The following ZNF317 variants were observed in gnomAD, a reference collection of about 807,000 sequenced individuals.
ZNF317 encodes the protein zinc finger protein 317, also known as KRAB-containing zinc finger protein 317.
Under a neutral mutation model 23.4 loss-of-function variants are expected in ZNF317, and 17 were observed. That is an observed-to-expected ratio of 0.73 (90% CI 0.50 to 1.09). The LOEUF (loss-of-function observed/expected upper bound fraction) is 1.09. Ranked by LOEUF, ZNF317 falls within the 50% of genes least tolerant of loss-of-function variation. The pLI, the probability that ZNF317 is intolerant of heterozygous loss-of-function variation, is 0.00. For synonymous variants in ZNF317, 317 were observed against 314.9 expected (o/e 1.01, Z -0.07); for missense variants, 679 against 796.7 (o/e 0.85, Z 1.78).
intron 2 of ZNF317, 91 bp downstream of exon 2, chr19:9,156,132 G>A (rs1432805769): frequency 1.3e-6 from 2 of 1,520,028 alleles, no homozygotes; most frequent in Non-Finnish European, 1.8e-6. Flanking sequence ...ACCATAGAGG[G>A]CTGCTGGGAG....
chr19:9,161,489 G>A lies in ZNF317; in HGVS notation c.*56G>A, dbSNP rs564023468. The A allele has an allele frequency of 1.3e-6, 2 of 1,549,662 alleles. No homozygotes were observed. The highest frequency in any genetic ancestry group is 1.4e-5 in the African/African-American group (1 of 73,264). ...CAGACCGGAAACAGACCTCGTGGGT[G>A]TAAGAGGAAGCCTCTGTGAGCTCGC... On this transcript the variant is annotated 3_prime_UTR_variant, in exon 7 of 7. Coordinates refer to ENST00000247956, the MANE Select transcript of ZNF317 (RefSeq NM_020933.5). The surrounding 1 kb of genome is among the most constrained non-coding windows in gnomAD (Gnocchi z 4.0).
intron 3 of ZNF317, 198 bp downstream of exon 3, chr19:9,156,946 T>C: frequency 1.4e-6 from 1 of 725,416 alleles, no homozygotes. Flanking sequence ...TCTGTTTCCC[T>C]CATGCTTGCA....
At chr19:9,143,773 C>CT (rs927303895) in intron 1 of ZNF317, among the ~76,000 whole-genome samples, 17 of 146,952 alleles carry the variant, frequency 1.2e-4, no homozygotes, top group South Asian at 2.1e-4. Flanking sequence ...TTGTGTTTTC[C>CT]TTTTTTTTGA....
intron 1 of ZNF317, among the ~76,000 whole-genome samples, chr19:9,142,050 C>G (rs1263424331): frequency 1.3e-5 from 2 of 152,172 alleles, no homozygotes; most frequent in Non-Finnish European, 2.9e-5. Context: ...AGGTGATCCA[C>G]CGGCCTTGGC....
intron 1 of ZNF317, among the ~76,000 whole-genome samples, chr19:9,141,887 C>T (rs1000667158): frequency 3.9e-5 from 6 of 152,140 alleles, no homozygotes; most frequent in Non-Finnish European, 7.4e-5. Context: ...CTCACTGCAA[C>T]CTCTGTCTCC....
At chr19:9,142,205 T>A (rs75494218) in intron 1 of ZNF317, among the ~76,000 whole-genome samples, 1,748 of 152,360 alleles carry the variant, frequency 0.011, 29 homozygotes, top group African/African-American at 0.04. Context: ...AGTCTAACTT[T>A]TGTGTAGTTT....
chr19:9,157,420 T>TA, intron 4 of ZNF317, 26 bp downstream of exon 4: 1 of 1,613,358 alleles, frequency 6.2e-7, no homozygotes, highest in East Asian at 2.2e-5. Context: ...TTTCTCCACT[T>TA]ATTCATCCAT....
At position 9,157,985 on chromosome 19, in the gene ZNF317, C is replaced by T. The variant is rs1441588225; in HGVS notation, c.295C>T (p.Gln99Ter). The T allele has an allele frequency of 6.4e-7, 1 of 1,551,392 alleles. No individual in the cohort carries two copies. Among genetic ancestry groups the T allele is most frequent in the East Asian group, 2.4e-5 (1 of 40,900 alleles). Reference protein sequence around the residue: ...NYSNLTSLGYQVGKPSLISHL... With the variant: ...NYSNLTSLGY ...TGTCTTTCCCGTGAGTGTAGGGTAT[C>T]AGGTCGGCAAACCCAGCCTCATCTC... Residue 99 changes from glutamine (Q) to a stop codon, truncating the protein, a stop_gained, in exon 5 of 7, where the codon CAG becomes TAG. Coordinates refer to ENST00000247956, the MANE Select transcript of ZNF317 (RefSeq NM_020933.5). LOFTEE classifies it high-confidence loss of function.
chr19:9,152,099 G>A (rs12610150), intron 1 of ZNF317, among the ~76,000 whole-genome samples: 13,496 of 151,806 alleles, frequency 0.089, 665 homozygotes, highest in Middle Eastern at 0.14. Context: ...GTAGAGATGG[G>A]GTTTTACCGT....
Position 9,157,693 on chromosome 19 carries a change from T to A in ZNF317, c.290-287T>A, listed in dbSNP as rs527367970. ...TTATTTCCTATTTCTTTTTTTTTTT[T>A]TTTTTTTTTATTTTTGGTGATGAAG... On this transcript the variant is annotated intron_variant, in intron 4 of 6. Coordinates refer to ENST00000247956, the MANE Select transcript of ZNF317 (RefSeq NM_020933.5). The A allele has an allele frequency of 3.1e-4, 156 of 510,734 alleles. 3 individuals carry two copies. In the East Asian group the frequency reaches 6.7e-3, roughly 22 times the overall value. The allele number at this position is 510,734 out of a possible 1,614,324, so 31.6% of individuals were successfully genotyped here. A position where few individuals can be genotyped will look rare whatever the true frequency, so the allele number is the denominator to read the frequency against.
chr19:9,140,637 G>A (rs1386241382), intron 1 of ZNF317, 45 bp downstream of exon 1: 1 of 452,840 alleles, frequency 2.2e-6, no homozygotes, highest in African/African-American at 2.0e-5. Context: ...AGTTCCAGGG[G>A]TCACGGGAGG....
At chr19:9,148,141 T>C (rs1235377196) in intron 1 of ZNF317, among the ~76,000 whole-genome samples, 1 of 152,206 alleles carries the variant, frequency 6.6e-6, no homozygotes, top group Admixed American at 6.5e-5. Flanking sequence ...GTGCTTCCTG[T>C]AGAGCCTACA....
intron 3 of ZNF317, chr19:9,156,991 G>A (rs1020652923): frequency 2.2e-5 from 14 of 635,814 alleles, no homozygotes; most frequent in African/African-American, 2.2e-4. Flanking sequence ...CAGAGACGGG[G>A]GGAAATAAAG....
intron 3 of ZNF317, 36 bp from the exon 4 acceptor site, chr19:9,157,232 G>T: frequency 6.2e-7 from 1 of 1,609,956 alleles, no homozygotes; most frequent in Non-Finnish European, 8.5e-7. Context: ...CGTTAGGCTG[G>T]TTCCTCGCTG....
intron 6 of ZNF317, 27 bp downstream of exon 6, chr19:9,158,935 A>T (rs1052937896): frequency 6.5e-6 from 10 of 1,540,092 alleles, no homozygotes; most frequent in African/African-American, 1.4e-5. Context: ...ATAATTCTGG[A>T]TCTTCCTTCC....
chr19:9,148,142 A>G (rs2050704517), intron 1 of ZNF317, among the ~76,000 whole-genome samples: 1 of 152,188 alleles, frequency 6.6e-6, no homozygotes, highest in Non-Finnish European at 1.5e-5. Flanking sequence ...TGCTTCCTGT[A>G]GAGCCTACAG....
chr19:9,150,893 C>T (rs941558558), intron 1 of ZNF317, among the ~76,000 whole-genome samples: 3 of 152,178 alleles, frequency 2.0e-5, no homozygotes, highest in Admixed American at 6.5e-5. Flanking sequence ...CACCTATGAC[C>T]TTGACCAAGT....
chr19:9,150,536 G>A (rs1381530495), intron 1 of ZNF317, among the ~76,000 whole-genome samples: 1 of 152,154 alleles, frequency 6.6e-6, no homozygotes, highest in Non-Finnish European at 1.5e-5. Flanking sequence ...TGGTGGGGGT[G>A]TTTCACAATG....
intron 1 of ZNF317, among the ~76,000 whole-genome samples, chr19:9,141,952 C>T (rs1301495035): frequency 2.0e-5 from 3 of 152,044 alleles, no homozygotes; most frequent in Non-Finnish European, 4.4e-5. Flanking sequence ...AATACAGGCA[C>T]CCACCACCAC....
Sources: gnomAD v4.1 joint callset for allele counts (sites outside exome capture counted in the v4.1 genomes callset) on GRCh38, gnomAD v4.1.1 for gene constraint, Gnocchi (gnomAD v3.1) non-coding constraint, MANE v1.5 for transcripts, NCBI Gene and HGNC (gene_info 2026-07-23, HGNC 2026-07-21) for gene names.